RBFOX1: variants seen among roughly 807,000 people sequenced by gnomAD.
RBFOX1 encodes RNA binding protein fox-1 homolog 1.
Under a neutral mutation model 57.7 loss-of-function variants are expected in RBFOX1, and 8 were observed. That is an observed-to-expected ratio of 0.14 (90% CI 0.08 to 0.25). The LOEUF is 0.25. Ranked by LOEUF, RBFOX1 falls within the 10% of genes least tolerant of loss-of-function variation. The probability of loss-of-function intolerance (pLI) is 1.00; values close to 1 mark genes in which losing one functional copy is unlikely to be tolerated. For missense variants in RBFOX1, 611 were observed against 548.5 expected, an observed-to-expected ratio of 1.11 and a Z score of -1.14; for synonymous variants, 326 against 222.4, an observed-to-expected ratio of 1.47 and a Z score of -4.15.
intron 4 of RBFOX1, among the ~76,000 whole-genome samples, chr16:7,482,158 A>T (rs765826337): frequency 1.2e-4 from 18 of 152,222 alleles, no homozygotes; most frequent in Non-Finnish European, 2.1e-4. Context: ...TGTAGCATCT[A>T]TTCCATTGTG....
At chr16:6,878,684 C>G (rs950673779) in intron 3 of RBFOX1, among the ~76,000 whole-genome samples, 2 of 152,068 alleles carry the variant, frequency 1.3e-5, no homozygotes, top group South Asian at 4.1e-4. Flanking sequence ...AACTCAACAG[C>G]AAGAAACAGA....
At chr16:6,783,246 A>G (rs1201259031) in intron 3 of RBFOX1, among the ~76,000 whole-genome samples, 2 of 151,064 alleles carry the variant, frequency 1.3e-5, no homozygotes, top group African/African-American at 2.4e-5. Context: ...GTTATTATTG[A>G]TAGGTGAGGA....
chr16:6,160,917 C>G (rs1597915569), intron 1 of RBFOX1, among the ~76,000 whole-genome samples: 1 of 152,310 alleles, frequency 6.6e-6, no homozygotes, highest in East Asian at 1.9e-4. Context: ...GCACACGATC[C>G]TGCTTTATCA....
rs1188941001 is a variant in RBFOX1, at chr16:6,792,965, G to T, written c.-16+138315G>T. On this transcript the variant is annotated intron_variant, in intron 3 of 15. Transcript: ENST00000550418. ...AATTGCTTGAACCCGTGAGGCAGAGGTTGCAGTGAGCTGAGACTGCATCAC... is the reference window on the plus strand; with the variant it reads ...AATTGCTTGAACCCGTGAGGCAGAGTTTGCAGTGAGCTGAGACTGCATCAC... Among the ~76,000 whole-genome samples, 3 of 151,238 alleles carry T rather than the reference G, an allele frequency of 2.0e-5. No homozygotes were observed. In the East Asian group the frequency reaches 5.9e-4, roughly 30 times the overall value.
intron 1 of RBFOX1, among the ~76,000 whole-genome samples, chr16:6,279,371 A>C (rs910402583): frequency 6.6e-6 from 1 of 152,194 alleles, no homozygotes; most frequent in Non-Finnish European, 1.5e-5. Flanking sequence ...TTCTGCCTTG[A>C]AGGGGAGACT....
chr16:7,610,118 C>CTTTTTGTTTTTTTTTT (rs2057156873), intron 10 of RBFOX1, among the ~76,000 whole-genome samples: 1 of 65,622 alleles, frequency 1.5e-5, no homozygotes, highest in Non-Finnish European at 2.5e-5. Context: ...GCCCGGCCCC[C>CTTTTTGTTTTTTTTTT]TTTTTTTTTT....
intron 4 of RBFOX1, among the ~76,000 whole-genome samples, chr16:7,282,156 C>G (rs574700761): frequency 6.6e-6 from 1 of 152,176 alleles, no homozygotes; most frequent in Non-Finnish European, 1.5e-5. Context: ...AGCCACTGTA[C>G]CTGGCCGACT....
chr16:6,733,867 C>T (rs142797525), intron 3 of RBFOX1, among the ~76,000 whole-genome samples: 1 of 152,208 alleles, frequency 6.6e-6, no homozygotes, highest in South Asian at 2.1e-4. Context: ...TCACCCAGAA[C>T]GCAGGGCCAG....
intron 3 of RBFOX1, among the ~76,000 whole-genome samples, chr16:6,966,091 G>A (rs892586508): frequency 7.2e-5 from 11 of 152,082 alleles, no homozygotes; most frequent in South Asian, 4.1e-4. Context: ...ACTCTATCAC[G>A]GGGTTCTCAA....
intron 3 of RBFOX1, among the ~76,000 whole-genome samples, chr16:6,911,104 G>C (rs2071465743): frequency 6.6e-6 from 1 of 151,934 alleles, no homozygotes; most frequent in African/African-American, 2.4e-5. Flanking sequence ...GGGAGGCTGA[G>C]GCAGGACAAT....
At chr16:5,792,537 T>C (rs1231189180) in intron 3 of RBFOX1, among the ~76,000 whole-genome samples, 3 of 152,152 alleles carry the variant, frequency 2.0e-5, no homozygotes, top group Non-Finnish European at 4.4e-5. Context: ...GAAAAGAAAA[T>C]GGCATTAAGA....
At chr16:7,308,557 T>C (rs1165455805) in intron 4 of RBFOX1, among the ~76,000 whole-genome samples, 4 of 152,168 alleles carry the variant, frequency 2.6e-5, no homozygotes. Context: ...GATTGGTAAT[T>C]TTTCCCACTT....
At chr16:7,632,061 C>T (rs779241991) in intron 11 of RBFOX1, among the ~76,000 whole-genome samples, 1 of 152,084 alleles carries the variant, frequency 6.6e-6, no homozygotes, top group Non-Finnish European at 1.5e-5. Context: ...AGGTATGTAC[C>T]ACCACTCCCA....
At chr16:7,355,707 C>G (rs1445058182) in intron 4 of RBFOX1, among the ~76,000 whole-genome samples, 1 of 152,224 alleles carries the variant, frequency 6.6e-6, no homozygotes, top group Non-Finnish European at 1.5e-5. Flanking sequence ...TGCCCTTCAG[C>G]AAATGGCTTT....
At position 6,636,332 on chromosome 16, in the gene RBFOX1, G is replaced by A. The variant is rs538681056; in HGVS notation, c.-63-18271G>A. Among the ~76,000 whole-genome samples the A allele has an allele frequency of 4.6e-5, 7 of 152,076 alleles. No individual in the cohort carries two copies. In the East Asian group the frequency reaches 7.8e-4, roughly 17 times the overall value. ...ACTAGAGGCGCCTGCCACCACACACGGCTAATTTTTTGTATTTTCAGTAGA... is the reference window on the plus strand; with the variant it reads ...ACTAGAGGCGCCTGCCACCACACACAGCTAATTTTTTGTATTTTCAGTAGA... On this transcript the variant is annotated intron_variant, in intron 2 of 15. Transcript: ENST00000550418.
intron 1 of RBFOX1, among the ~76,000 whole-genome samples, chr16:5,388,741 AT>A (rs1324808079): frequency 2.0e-5 from 3 of 151,686 alleles, no homozygotes; most frequent in Non-Finnish European, 4.4e-5. Flanking sequence ...TGCCCAGCTA[AT>A]TTTTTTGTAA....
At chr16:5,604,798 C>T (rs573099635), downstream of RBFOX1, among the ~76,000 whole-genome samples, 195 of 152,254 alleles carry the variant, frequency 1.3e-3, no homozygotes, top group African/African-American at 4.3e-3. Context: ...ATGGGCCCCC[C>T]GGGAACCAGA....
At chr16:5,536,774 A>C (rs1272965623) in intron 2 of RBFOX1, among the ~76,000 whole-genome samples, 1 of 151,870 alleles carries the variant, frequency 6.6e-6, no homozygotes, top group Non-Finnish European at 1.5e-5. Context: ...ATCTTATTGT[A>C]ATATGTGGGG....
intron 4 of RBFOX1, among the ~76,000 whole-genome samples, chr16:5,882,603 G>A (rs2057789292): frequency 6.6e-6 from 1 of 152,170 alleles, no homozygotes; most frequent in Non-Finnish European, 1.5e-5. Flanking sequence ...TCCACAGCAA[G>A]AGTGAAACTA....
Sources: gnomAD v4.1 joint callset for allele counts (sites outside exome capture counted in the v4.1 genomes callset) on GRCh38, gnomAD v4.1.1 for gene constraint, MANE v1.5 for transcripts, NCBI Gene and HGNC (gene_info 2026-07-23, HGNC 2026-07-21) for gene names.